KIF26B: variants seen among roughly 807,000 people sequenced by gnomAD.
KIF26B encodes the protein kinesin-like protein KIF26B.
A neutral mutation model predicts 151.2 loss-of-function variants in KIF26B; 63 were observed. The ratio of observed to expected loss-of-function variants is 0.42; its 90% CI spans 0.34 to 0.51. KIF26B has a LOEUF of 0.51. Ranked by LOEUF, KIF26B falls within the 20% of genes least tolerant of loss-of-function variation. KIF26B has a pLI of 0.07. For synonymous variants in KIF26B, 1,357 were observed against 1,262.1 expected, an observed-to-expected ratio of 1.08 and a Z score of -1.59; for missense variants, 2,813 against 2,913.6, an observed-to-expected ratio of 0.97 and a Z score of 0.79.
intron 11 of KIF26B, among the ~76,000 whole-genome samples, chr1:245,684,854 T>G (rs2044489098): frequency 1.3e-5 from 2 of 152,236 alleles, no homozygotes; most frequent in African/African-American, 4.8e-5. Flanking sequence ...CCCTGGCTGC[T>G]GCTTTTGTCC....
At chr1:245,256,740 C>T (rs1036418947) in intron 2 of KIF26B, among the ~76,000 whole-genome samples, 1 of 152,182 alleles carries the variant, frequency 6.6e-6, no homozygotes, top group African/African-American at 2.4e-5. Flanking sequence ...AGCTGACCAG[C>T]ATTCACATTA....
At chr1:245,542,145 G>C (rs190106169) in intron 5 of KIF26B, among the ~76,000 whole-genome samples, 166 of 152,290 alleles carry the variant, frequency 1.1e-3, no homozygotes, top group Non-Finnish European at 2.0e-3. Flanking sequence ...TTGAGGCTAG[G>C]AGTTCAAGAC....
intron 2 of KIF26B, among the ~76,000 whole-genome samples, chr1:245,339,602 C>A (rs2102995166): frequency 6.6e-6 from 1 of 152,188 alleles, no homozygotes; most frequent in Non-Finnish European, 1.5e-5. Flanking sequence ...AAGTAAGTGC[C>A]ATTTTATTAT....
At chr1:245,511,605 T>TTTGG (rs1441892366) in intron 4 of KIF26B, among the ~76,000 whole-genome samples, 18 of 152,206 alleles carry the variant, frequency 1.2e-4, no homozygotes, top group African/African-American at 4.1e-4. Context: ...TGTTTGTTTG[T>TTTGG]TTGGTTTTGT....
chr1:245,501,000 A>C (rs1660609071), intron 4 of KIF26B, among the ~76,000 whole-genome samples: 1 of 152,188 alleles, frequency 6.6e-6, no homozygotes, highest in African/African-American at 2.4e-5. Flanking sequence ...AACTCATTAA[A>C]ATCAAGACCA....
At chr1:245,393,244 A>G (rs1673744166) in intron 3 of KIF26B, among the ~76,000 whole-genome samples, 1 of 152,146 alleles carries the variant, frequency 6.6e-6, no homozygotes, top group African/African-American at 2.4e-5. Context: ...CTTGTAAATA[A>G]TTGGTTGAGA....
At chr1:245,261,137 C>CTT (rs1355645122) in intron 2 of KIF26B, among the ~76,000 whole-genome samples, 2 of 149,806 alleles carry the variant, frequency 1.3e-5, no homozygotes, top group African/African-American at 4.9e-5. Context: ...CTTCCTCTTT[C>CTT]TCTCTTTCTT....
chr1:245,539,349 G>A (rs34765087), intron 4 of KIF26B, among the ~76,000 whole-genome samples: 16,634 of 152,142 alleles, frequency 0.11, 1,024 homozygotes, highest in African/African-American at 0.12. Flanking sequence ...AGGGAGAGGC[G>A]GTGCAAACGG....
rs36034947 is a variant in KIF26B at position 245,222,126 on chromosome 1, CG to C, written c.465+65448del. 4.1e-3 allele frequency among the ~76,000 whole-genome samples: 627 copies of C among 152,252 alleles called. 19 individuals carry two copies. The East Asian group carries it at 0.093, about 23-fold the overall frequency. The stretch of plus-strand genomic sequence containing the variant: ...GAAATATCACATGCCAACTTAGTGA[CG>C]GGGGAAAGACCCTCTTAACAAATGG... On this transcript the variant is annotated intron_variant, in intron 2 of 14. Coordinates refer to ENST00000407071, the MANE Select transcript of KIF26B (RefSeq NM_018012.4).
rs1252295538 is a variant in KIF26B at position 245,688,028 on chromosome 1, T to C, written c.5045T>C (p.Leu1682Pro). The change falls in exon 12 of 15, where the codon CTG becomes CCG. Residue 1682 changes from leucine (L) to proline (P), a missense_variant. Transcript: ENST00000407071. ...ATVSHYECLS[L>P]ERAESLSSVS... ...GTCAGCCACTACGAATGCCTCTCCC[T>C]GGAGCGGGCCGAGAGCCTGTCCTCC... The C allele has an allele frequency of 6.4e-7, 1 of 1,559,150 alleles. No individual in the cohort carries two copies. The highest frequency in any genetic ancestry group is 8.7e-7 in the Non-Finnish European group (1 of 1,152,566).
intron 2 of KIF26B, among the ~76,000 whole-genome samples, chr1:245,283,302 G>T (rs1413565051): frequency 7.3e-5 from 11 of 150,826 alleles, no homozygotes; most frequent in Non-Finnish European, 1.0e-4. Flanking sequence ...AGCCCAATCC[G>T]CGCAAGCCCA....
At chr1:245,363,180 C>G (rs1672862589) in intron 2 of KIF26B, among the ~76,000 whole-genome samples, 1 of 152,184 alleles carries the variant, frequency 6.6e-6, no homozygotes, top group South Asian at 2.1e-4. Flanking sequence ...GCATCTATGG[C>G]TCTGAAGACT....
chr1:245,414,935 A>G (rs1674380338), intron 3 of KIF26B, among the ~76,000 whole-genome samples: 1 of 151,896 alleles, frequency 6.6e-6, no homozygotes, highest in African/African-American at 2.4e-5. Context: ...AAGGAAGGGG[A>G]AAAAAACGGG....
intron 2 of KIF26B, among the ~76,000 whole-genome samples, chr1:245,261,374 G>A (rs1034332898): frequency 2.0e-5 from 3 of 151,764 alleles, no homozygotes; most frequent in South Asian, 2.1e-4. Context: ...CAGGTGATCC[G>A]CCCACCTTGG....
At chr1:245,692,245 A>G (rs1252611444) in intron 12 of KIF26B, among the ~76,000 whole-genome samples, 4 of 152,140 alleles carry the variant, frequency 2.6e-5, no homozygotes, top group Admixed American at 2.6e-4. Flanking sequence ...CAGCCGGCAC[A>G]GGGGACAAGG....
intron 2 of KIF26B, among the ~76,000 whole-genome samples, chr1:245,320,853 T>C (rs765329835): frequency 3.9e-5 from 6 of 152,132 alleles, no homozygotes; most frequent in Non-Finnish European, 7.4e-5. Flanking sequence ...AATATTTGTA[T>C]TTTTAGTAGA....
At chr1:245,676,013 A>C (rs1201970937) in intron 10 of KIF26B, among the ~76,000 whole-genome samples, 1 of 152,194 alleles carries the variant, frequency 6.6e-6, no homozygotes. Context: ...ATATTCAAGC[A>C]GAAAGCAGAT....
intron 4 of KIF26B, among the ~76,000 whole-genome samples, chr1:245,528,294 T>C (rs1260624398): frequency 6.6e-6 from 1 of 152,082 alleles, no homozygotes; most frequent in African/African-American, 2.4e-5. Context: ...AATTGGGGTA[T>C]AGGCGTGGCC....
chr1:245,423,655 T>C (rs1658551300), intron 4 of KIF26B, among the ~76,000 whole-genome samples: 1 of 152,138 alleles, frequency 6.6e-6, no homozygotes, highest in Admixed American at 6.5e-5. Context: ...ACACATTTGT[T>C]GTTGCTCTTG....
Sources: allele counts gnomAD v4.1 joint callset (sites outside exome capture counted in the v4.1 genomes callset), GRCh38; gene constraint gnomAD v4.1.1; transcripts MANE v1.5; gene names NCBI Gene and HGNC (gene_info 2026-07-23, HGNC 2026-07-21).